Variants in ENOX1 observed in about 807,000 individuals in gnomAD.
ENOX1 encodes the protein ecto-NOX disulfide-thiol exchanger 1.
ENOX1 carries 42 observed loss-of-function variants against 82.5 expected under a neutral mutation model. That is an observed-to-expected ratio of 0.51 (90% confidence interval 0.40 to 0.66). ENOX1 has a LOEUF of 0.66. ENOX1 is among the 30% of genes least tolerant of loss of function. The pLI, the probability that ENOX1 is intolerant of heterozygous loss-of-function variation, is 0.00. For missense variants in ENOX1, 608 were observed against 811.6 expected (o/e 0.75, Z 3.05); for synonymous variants, 271 against 282.2 (o/e 0.96, Z 0.40).
At chr13:43,452,324 A>G (rs1166217630) in intron 3 of ENOX1, among the ~76,000 whole-genome samples, 2 of 151,924 alleles carry the variant, frequency 1.3e-5, no homozygotes, top group African/African-American at 4.8e-5. Context: ...CCCTGTGTCC[A>G]TGTGTTCTCA....
At chr13:43,284,771 GGTGTGTGTGTGTGTGTGT>G (rs72187459) in intron 12 of ENOX1, among the ~76,000 whole-genome samples, 23,972 of 143,734 alleles carry the variant, frequency 0.17, 2,495 homozygotes, top group East Asian at 0.58. Flanking sequence ...ATTTGTTAAA[GGTGTGTGTGTGTGTGTGT>G]GTGTGTGTGT....
chr13:43,414,459 G>A (rs2054323509), intron 3 of ENOX1, among the ~76,000 whole-genome samples: 1 of 152,148 alleles, frequency 6.6e-6, no homozygotes, highest in African/African-American at 2.4e-5. Context: ...CATGTGTATT[G>A]TGCATCAATT....
chr13:43,758,381 C>G (rs938690305), intron 1 of ENOX1, among the ~76,000 whole-genome samples: 2 of 152,060 alleles, frequency 1.3e-5, no homozygotes, highest in Admixed American at 6.6e-5. Context: ...AAGACAATCT[C>G]GAAAGGCTGA....
intron 5 of ENOX1, among the ~76,000 whole-genome samples, chr13:43,366,552 A>C (rs1446158262): frequency 2.0e-5 from 3 of 152,184 alleles, no homozygotes; most frequent in Non-Finnish European, 4.4e-5. Context: ...CTGGGATTAC[A>C]GGCATAAGCC....
chr13:43,740,153 C>T (rs1016340441), intron 1 of ENOX1, among the ~76,000 whole-genome samples: 1 of 151,972 alleles, frequency 6.6e-6, no homozygotes, highest in Admixed American at 6.6e-5. Context: ...ATTCATAAGT[C>T]GTGAGTTAGA....
At chr13:43,315,250 T>C (rs1208390850) in intron 11 of ENOX1, among the ~76,000 whole-genome samples, 1 of 152,240 alleles carries the variant, frequency 6.6e-6, no homozygotes, top group Non-Finnish European at 1.5e-5. Flanking sequence ...ACAACTTTCA[T>C]TTTTTAAAAT....
intron 3 of ENOX1, among the ~76,000 whole-genome samples, chr13:43,474,314 C>T (rs781082605): frequency 1.3e-5 from 2 of 152,092 alleles, no homozygotes; most frequent in Non-Finnish European, 2.9e-5. Flanking sequence ...GTGCTCTCTC[C>T]CTAGTTCACC....
At chr13:43,687,819 G>C (rs2086154459) in intron 1 of ENOX1, among the ~76,000 whole-genome samples, 1 of 152,096 alleles carries the variant, frequency 6.6e-6, no homozygotes. Context: ...AGCACAGGGT[G>C]CTATGGGCCA....
chr13:43,323,004 G>A (rs918171335), intron 10 of ENOX1, among the ~76,000 whole-genome samples: 3 of 152,176 alleles, frequency 2.0e-5, no homozygotes, highest in Non-Finnish European at 2.9e-5. Context: ...ATAGTTTTGA[G>A]GATGAAATGA....
At chr13:43,424,821 T>C (rs1266352141) in intron 3 of ENOX1, among the ~76,000 whole-genome samples, 1 of 152,134 alleles carries the variant, frequency 6.6e-6, no homozygotes, top group Non-Finnish European at 1.5e-5. Context: ...ATAAATGGTA[T>C]GGCTATATCA....
At chr13:43,779,444 C>A (rs980965229) in intron 1 of ENOX1, among the ~76,000 whole-genome samples, 21 of 152,130 alleles carry the variant, frequency 1.4e-4, no homozygotes, top group African/African-American at 5.1e-4. Context: ...ATTAACTGTG[C>A]TGCACTACTA....
At chr13:43,419,685 T>A (rs77062755) in intron 3 of ENOX1, among the ~76,000 whole-genome samples, 2 of 152,198 alleles carry the variant, frequency 1.3e-5, no homozygotes, top group African/African-American at 4.8e-5. Flanking sequence ...AAACAGTTGA[T>A]ACCAGGCCAG....
chr13:43,511,954 T>C (rs992354685), intron 2 of ENOX1, among the ~76,000 whole-genome samples: 9 of 152,164 alleles, frequency 5.9e-5, no homozygotes, highest in African/African-American at 1.9e-4. Flanking sequence ...ATATACAGCC[T>C]ATGGATATTA....
chr13:43,252,336 C>T (rs1424900468), intron 14 of ENOX1, among the ~76,000 whole-genome samples: 1 of 152,122 alleles, frequency 6.6e-6, no homozygotes, highest in Non-Finnish European at 1.5e-5. Context: ...TTAAGTGTTC[C>T]AAGCCTGGCG....
At chr13:43,267,136 C>A (rs542467157) in intron 13 of ENOX1, among the ~76,000 whole-genome samples, 1 of 152,180 alleles carries the variant, frequency 6.6e-6, no homozygotes, top group African/African-American at 2.4e-5. Context: ...CACCCCTCTC[C>A]TTCCTCGAGC....
chr13:43,243,431 G>A (rs2042934863), intron 14 of ENOX1, among the ~76,000 whole-genome samples: 1 of 152,026 alleles, frequency 6.6e-6, no homozygotes, highest in African/African-American at 2.4e-5. Context: ...ATTTCCACTA[G>A]TGCTCTACTC....
At chr13:43,761,483 C>T (rs1216177104) in intron 1 of ENOX1, among the ~76,000 whole-genome samples, 11 of 152,206 alleles carry the variant, frequency 7.2e-5, no homozygotes, top group Non-Finnish European at 1.5e-5. Context: ...GTATAAAAAA[C>T]TACCTACACA....
Position 43,259,764 on chromosome 13 carries a change from G to A in ENOX1, c.1611+5634C>T, listed in dbSNP as rs573682124. 3.2e-3 allele frequency among the ~76,000 whole-genome samples: 486 copies of A among 152,200 alleles called. 1 individual carries two copies. The highest frequency in any genetic ancestry group is 0.014 in the South Asian group (69 of 4,822). On this transcript the variant is annotated intron_variant, in intron 14 of 16. Transcript: ENST00000690772. ...GCTGGGATTACAGGTGTGAGCCACCGTGCCCGGCCTTATTTTCCTTTTGAT... is the reference window on the plus strand; with the variant it reads ...GCTGGGATTACAGGTGTGAGCCACCATGCCCGGCCTTATTTTCCTTTTGAT...
chr13:43,665,254 A>G (rs767706152), intron 2 of ENOX1, among the ~76,000 whole-genome samples: 1 of 152,198 alleles, frequency 6.6e-6, no homozygotes, highest in Non-Finnish European at 1.5e-5. Context: ...TCCTGGAAGT[A>G]ACAGTAGACA....
Sources: gnomAD v4.1 joint callset for allele counts (sites outside exome capture counted in the v4.1 genomes callset) on GRCh38, gnomAD v4.1.1 for gene constraint, MANE v1.5 for transcripts, NCBI Gene and HGNC (gene_info 2026-07-23, HGNC 2026-07-21) for gene names.